Variants in STAB1 observed in about 807,000 individuals in gnomAD.
The protein encoded by STAB1 is stabilin-1.
In STAB1, 250 loss-of-function variants were observed where a neutral mutation model predicts 332.4. That is an observed-to-expected ratio of 0.75 (90% CI 0.68 to 0.84). STAB1 has a LOEUF of 0.84. STAB1 is among the 40% of genes least tolerant of loss of function. STAB1 has a pLI of 0.00. For missense variants in STAB1, 3,249 were observed against 3,489.7 expected, an observed-to-expected ratio of 0.93 and a Z score of 1.74; for synonymous variants, 1,475 against 1,390.4, an observed-to-expected ratio of 1.06 and a Z score of -1.35.
rs201882339 is a variant in STAB1, at chr3:52,520,439, C to T, written c.5539C>T (p.Gln1847Ter). ...MVGEDDARIV[Q>*]RHLPFEGGLA... is the part of the protein sequence containing the mutation. Reference sequence around the variant, plus strand: ...GGGTGAGGATGATGCTCGCATTGTGCAGCGGCACTTGCCCTTTGAGGGTGG... The same window carrying T: ...GGGTGAGGATGATGCTCGCATTGTGTAGCGGCACTTGCCCTTTGAGGGTGG... The change falls in exon 53 of 69, where the codon CAG becomes TAG. Residue 1847 changes from glutamine to a stop codon, truncating the protein, a stop_gained. Transcript: ENST00000321725. LOFTEE classifies it high-confidence loss of function. 15 of 1,612,752 alleles carry T rather than the reference C, an allele frequency of 9.3e-6. No individual in the cohort carries two copies. The highest frequency in any genetic ancestry group is 1.3e-5 in the African/African-American group (1 of 75,072).
rs1245419526 is a variant in STAB1 at position 52,505,248 on chromosome 3, C to T, written c.1519-71C>T. 2.5e-6 allele frequency: 4 copies of T among 1,607,470 alleles called. No individual in the cohort carries two copies. The East Asian group carries it at 8.9e-5, about 36-fold the overall frequency. ...AGCCATTCTACTCAGGGCTGGAGCGCAGCTTCTCCCCGCTGGGCTGAAGCA... is the reference window on the plus strand; with the variant it reads ...AGCCATTCTACTCAGGGCTGGAGCGTAGCTTCTCCCCGCTGGGCTGAAGCA... On this transcript the variant is annotated intron_variant, in intron 13 of 68. Coordinates refer to ENST00000321725, the MANE Select transcript of STAB1 (RefSeq NM_015136.3).
At chr3:52,518,513 C>T (rs1362146006) in intron 46 of STAB1, 23 bp from the exon 47 acceptor site, 1 of 1,571,552 alleles carries the variant, frequency 6.4e-7, no homozygotes, top group Non-Finnish European at 8.6e-7. Context: ...CCATTCCACT[C>T]ATGCTGTTGC....
At chr3:52,504,624 C>G in intron 11 of STAB1, 75 bp downstream of exon 11, 31 of 1,611,296 alleles carry the variant, frequency 1.9e-5, no homozygotes, top group Non-Finnish European at 2.5e-5. Flanking sequence ...GTCTTCAGGG[C>G]CACCTGGAAG....
rs761487161 is a variant in STAB1, at chr3:52,522,628, G to A, written c.6684G>A (p.Ala2228=). 5.0e-6 allele frequency: 8 copies of A among 1,612,952 alleles called. No homozygotes were observed. The East Asian group carries it at 6.7e-5, about 13-fold the overall frequency. Residue 2228 remains alanine, a synonymous_variant, in exon 61 of 69, where the codon GCG becomes GCA. Transcript: ENST00000321725. ...PYGLNFSEAE[A]ACEAQGAVLA... is the part of the protein sequence containing the mutation. The stretch of plus-strand genomic sequence containing the variant: ...GTCTGAACTTTTCGGAGGCTGAGGC[G>A]GCATGCGAAGCACAGGGAGCCGTCC...
chr3:52,522,080 C>A lies in STAB1; in HGVS notation c.6315C>A (p.His2105Gln), dbSNP rs756223060. ...CQDGHGGCSE[H>Q]ANCSQVGTMV... The stretch of plus-strand genomic sequence containing the variant: ...ACGGGCATGGTGGCTGCAGTGAGCA[C>A]GCCAACTGTAGCCAGGTAGGAACAA... The change falls in exon 59 of 69, where the codon CAC becomes CAA. Residue 2105 changes from histidine (H) to glutamine (Q), a missense_variant. His to Gln is a conservative substitution (Grantham distance 24, BLOSUM62 0). Coordinates refer to ENST00000321725, the MANE Select transcript of STAB1 (RefSeq NM_015136.3). The A allele has an allele frequency of 1.2e-6, 2 of 1,613,262 alleles. No homozygotes were observed. Among genetic ancestry groups the A allele is most frequent in the Non-Finnish European group, 1.7e-6 (2 of 1,180,008 alleles).
At chr3:52,515,300 C>T in intron 36 of STAB1, 123 bp from the exon 37 acceptor site, 1 of 1,014,936 alleles carries the variant, frequency 9.9e-7, no homozygotes, top group Non-Finnish European at 1.5e-6. Context: ...TGGTCCCTCT[C>T]TGACCCTTCT....
Position 52,503,421 on chromosome 3 carries a change from C to T in STAB1, c.772C>T (p.His258Tyr). ...SVSPKGQAQCHCPENYHGDGM... is the reference protein window; with the variant it reads ...SVSPKGQAQCYCPENYHGDGM... ...GAGCCCCAAGGGGCAGGCTCAGTGT[C>T]ACTGCCCTGAGAACTACCATGGCGA... is the stretch of plus-strand genomic sequence containing the variant. Residue 258 changes from histidine (H) to tyrosine (Y), a missense_variant, in exon 8 of 69, where the codon CAC (histidine) becomes TAC (tyrosine). Transcript: ENST00000321725. The T allele has an allele frequency of 1.2e-6, 2 of 1,613,752 alleles. No individual in the cohort carries two copies. The highest frequency in any genetic ancestry group is 8.5e-7 in the Non-Finnish European group (1 of 1,180,026).
chr3:52,515,520 C>T lies in STAB1; in HGVS notation c.3948+14C>T. The T allele has an allele frequency of 1.2e-6, 2 of 1,612,630 alleles. No individual in the cohort carries two copies. Among genetic ancestry groups the T allele is most frequent in the South Asian group, 1.1e-5 (1 of 91,076 alleles). ...AAGAAGATCCAGGTTTGCCCTGAAG[C>T]CCCCACCCCAAGCCTGTCCAGAGAG... On this transcript the variant is annotated intron_variant, in intron 37 of 68. Transcript: ENST00000321725.
Position 52,520,909 on chromosome 3 carries a change from AG to A in STAB1, c.5814del (p.Arg1938SerfsTer52). On this transcript the variant is annotated frameshift_variant, in exon 55 of 69. Coordinates refer to ENST00000321725, the MANE Select transcript of STAB1 (RefSeq NM_015136.3). LOFTEE classifies it high-confidence loss of function. ...CTGGGTCCACCCCAGCCTTTGGGGT[AG>A]GCCCCAAGGCCTGGGCAGGGGCTGC... The part of the protein sequence containing the change: ...SVWVHPSLWG[R>X]PQGLGRGCHR... 3 of 1,605,076 alleles carry A rather than the reference AG, an allele frequency of 1.9e-6. No individual in the cohort carries two copies. The highest frequency in any genetic ancestry group is 2.6e-6 in the Non-Finnish European group (3 of 1,175,808).
Position 52,515,504 on chromosome 3 carries a change from C to T in STAB1, c.3946C>T (p.Gln1316Ter). The T allele has an allele frequency of 1.2e-6, 2 of 1,613,230 alleles. No individual in the cohort carries two copies. Among genetic ancestry groups the T allele is most frequent in the Non-Finnish European group, 1.7e-6 (2 of 1,180,002 alleles). ...GCSYTCAKKI[Q>*]VPDCCPGFFG... ...CTCTTACACATGTGCCAAGAAGATC[C>T]AGGTTTGCCCTGAAGCCCCCACCCC... Residue 1316 changes from glutamine to a stop codon, truncating the protein, a stop_gained and splice_region_variant, in exon 37 of 69, where the codon CAG becomes TAG. Transcript: ENST00000321725. LOFTEE classifies it high-confidence loss of function.
intron 1 of STAB1, 105 bp from the exon 2 acceptor site, chr3:52,501,061 T>G: frequency 1.4e-6 from 2 of 1,476,768 alleles, no homozygotes; most frequent in Non-Finnish European, 1.9e-6. Context: ...CCTGAGCAGA[T>G]GGGAAGTGGC....
intron 25 of STAB1, 129 bp from the exon 26 acceptor site, chr3:52,511,521 C>T (rs1418074661): frequency 1.4e-6 from 1 of 705,610 alleles, no homozygotes; most frequent in South Asian, 2.3e-5. Context: ...GAGAGGAGGG[C>T]TGGGAGAAGT....
Position 52,504,066 on chromosome 3 carries a change from C to T in STAB1, c.1061C>T (p.Ala354Val). The T allele has an allele frequency of 6.3e-7, 1 of 1,587,796 alleles. No individual in the cohort carries two copies. Among genetic ancestry groups the T allele is most frequent in the East Asian group, 2.3e-5 (1 of 43,554 alleles). Residue 354 changes from alanine (A) to valine (V), a missense_variant, in exon 10 of 69, where the codon GCC becomes GTC. Coordinates refer to ENST00000321725, the MANE Select transcript of STAB1 (RefSeq NM_015136.3). ...GAAAGCGAGGTGGGGGATGGGCGTG[C>T]CTGCTACGGACACCTGCTCCACGAG... ...CRESEVGDGR[A>V]CYGHLLHEVQ... is the part of the protein sequence containing the mutation.
chr3:52,504,288 G>C, intron 10 of STAB1, 133 bp downstream of exon 10: 1 of 1,453,056 alleles, frequency 6.9e-7, no homozygotes, highest in African/African-American at 1.4e-5. Flanking sequence ...GCTGTGGGGG[G>C]TGCATGCAGG....
At chr3:52,505,831 C>A in intron 15 of STAB1, 50 bp downstream of exon 15, 1 of 1,613,814 alleles carries the variant, frequency 6.2e-7, no homozygotes, top group Middle Eastern at 1.7e-4. Flanking sequence ...CCAGGACCTC[C>A]ACGCTCCCCC....
rs772408023 is a variant in STAB1, at chr3:52,504,023, C to A, written c.1023-5C>A. 1 of 1,605,722 alleles carries A rather than the reference C, an allele frequency of 6.2e-7. No homozygotes were observed. Among genetic ancestry groups the A allele is most frequent in the South Asian group, 1.1e-5 (1 of 90,360 alleles). On this transcript the variant is annotated splice_region_variant and splice_polypyrimidine_tract_variant and intron_variant, in intron 9 of 68. Coordinates refer to ENST00000321725, the MANE Select transcript of STAB1 (RefSeq NM_015136.3). Reference sequence around the variant, plus strand: ...CGCCCTGACTGGCTCTCCCTGGGAGCCCAGCTGTGTGTGCAGGGAAAGCGA... The same window carrying A: ...CGCCCTGACTGGCTCTCCCTGGGAGACCAGCTGTGTGTGCAGGGAAAGCGA...
At position 52,519,936 on chromosome 3, in the gene STAB1, C is replaced by A; in HGVS notation, c.5236-8C>A. The A allele has an allele frequency of 6.4e-7, 1 of 1,565,502 alleles. No homozygotes were observed. Among genetic ancestry groups the A allele is most frequent in the Non-Finnish European group, 8.6e-7 (1 of 1,156,816 alleles). On this transcript the variant is annotated splice_region_variant and splice_polypyrimidine_tract_variant and intron_variant, in intron 50 of 68. Coordinates refer to ENST00000321725, the MANE Select transcript of STAB1 (RefSeq NM_015136.3). ...AGCGACTGCCACATCTTTGCTGCAC[C>A]CCACCAGGTGGCCGGCCTCCTGCCC...
Position 52,522,025 on chromosome 3 carries a change from C to T in STAB1, c.6272-12C>T, listed in dbSNP as rs769226417. ...CAGTCACTAGGTCCAACCACTCCCT[C>T]CCTGCCCTCAGTGGCAGACCTGTGC... On this transcript the variant is annotated splice_polypyrimidine_tract_variant and intron_variant, in intron 58 of 68. Coordinates refer to ENST00000321725, the MANE Select transcript of STAB1 (RefSeq NM_015136.3). 26 of 1,612,850 alleles carry T rather than the reference C, an allele frequency of 1.6e-5. No individual in the cohort carries two copies. The highest frequency in any genetic ancestry group is 1.1e-4 in the South Asian group (10 of 91,058).
At chr3:52,506,018 C>T in intron 16 of STAB1, 82 bp downstream of exon 16, 1 of 1,565,700 alleles carries the variant, frequency 6.4e-7, no homozygotes, top group Middle Eastern at 1.7e-4. Context: ...AAGGCCCCAT[C>T]TCTTCTCCAT....
Sources: gnomAD v4.1 joint callset for allele counts on GRCh38, gnomAD v4.1.1 for gene constraint, MANE v1.5 for transcripts, NCBI Gene and HGNC (gene_info 2026-07-23, HGNC 2026-07-21) for gene names.